The following FBXL7 variants were observed in gnomAD, a reference collection of about 807,000 sequenced individuals.
FBXL7 encodes F-box/LRR-repeat protein 7.
In FBXL7, 12 loss-of-function variants were observed where a neutral mutation model predicts 38.3. That is an observed-to-expected ratio of 0.31 (90% CI 0.20 to 0.51). The LOEUF (loss-of-function observed/expected upper bound fraction) is 0.51. Among genes scored for constraint, FBXL7 ranks in the 20% least tolerant of loss-of-function variants. FBXL7 has a pLI of 0.98. For synonymous variants in FBXL7, 297 were observed against 300.9 expected, an observed-to-expected ratio of 0.99 and a Z score of 0.13; for missense variants, 567 against 676.4, an observed-to-expected ratio of 0.84 and a Z score of 1.79.
chr5:15,682,721 G>T (rs1239038522), intron 2 of FBXL7, among the ~76,000 whole-genome samples: 2 of 152,132 alleles, frequency 1.3e-5, no homozygotes, highest in East Asian at 3.9e-4. Context: ...TTCCCAAAGG[G>T]CTCTTGGTTA....
intron 2 of FBXL7, among the ~76,000 whole-genome samples, chr5:15,843,609 A>G (rs553468497): frequency 9.2e-5 from 14 of 152,208 alleles, no homozygotes; most frequent in Non-Finnish European, 2.1e-4. Flanking sequence ...CTCAAATTGC[A>G]ATATCTGATG....
At chr5:15,799,650 C>T (rs1343113437) in intron 2 of FBXL7, among the ~76,000 whole-genome samples, 1 of 152,158 alleles carries the variant, frequency 6.6e-6, no homozygotes, top group Non-Finnish European at 1.5e-5. Flanking sequence ...GCGTGAGCCA[C>T]CACGCCCTGC....
At chr5:15,872,739 A>G (rs574959690) in intron 2 of FBXL7, among the ~76,000 whole-genome samples, 5 of 152,382 alleles carry the variant, frequency 3.3e-5, no homozygotes, top group African/African-American at 1.2e-4. Flanking sequence ...TAACTATCCT[A>G]AATATATTTG....
At chr5:15,743,822 C>G (rs1735950115) in intron 2 of FBXL7, among the ~76,000 whole-genome samples, 1 of 152,228 alleles carries the variant, frequency 6.6e-6, no homozygotes, top group South Asian at 2.1e-4. Flanking sequence ...GGCAGAAGTT[C>G]CCAGACTTCA....
intron 2 of FBXL7, among the ~76,000 whole-genome samples, chr5:15,642,250 ACTT>A (rs1741389977): frequency 6.6e-6 from 1 of 152,126 alleles, no homozygotes; most frequent in Non-Finnish European, 1.5e-5. Context: ...CAAAAGGATA[ACTT>A]CTTATGTATT....
chr5:15,571,259 G>A (rs1394760904), intron 1 of FBXL7, among the ~76,000 whole-genome samples: 10 of 151,870 alleles, frequency 6.6e-5, no homozygotes, highest in East Asian at 5.8e-4. Context: ...AAACAATGCC[G>A]CCTCACTAGC....
rs1736698005 is a variant in FBXL7, at chr5:15,508,160, G to C, written c.37+7447G>C. On this transcript the variant is annotated intron_variant, in intron 1 of 3. Coordinates refer to ENST00000504595, the MANE Select transcript of FBXL7 (RefSeq NM_012304.5). Reference sequence around the variant, plus strand: ...AGAAGACTTACATTAGTCTTCGCTTGGGTAAAACATCTAACATCAAGCCTG... The same window carrying C: ...AGAAGACTTACATTAGTCTTCGCTTCGGTAAAACATCTAACATCAAGCCTG... 2.0e-5 allele frequency among the ~76,000 whole-genome samples: 3 copies of C among 152,198 alleles called. No homozygotes were observed. In the South Asian group the frequency reaches 6.2e-4, roughly 32 times the overall value.
chr5:15,928,054 C>T lies in FBXL7; in HGVS notation c.292C>T (p.His98Tyr), dbSNP rs76854341. Reference sequence around the variant, plus strand: ...CTCCCCGCCCCCGACCCGCCTCACACACCCGCTCATCCGGCTCGCCTCCAG... The same window carrying T: ...CTCCCCGCCCCCGACCCGCCTCACATACCCGCTCATCCGGCTCGCCTCCAG... ...VHSPPPTRLT[H>Y]PLIRLASRPQ... Residue 98 changes from histidine to tyrosine, a missense_variant, in exon 3 of 4, where the codon CAC (histidine) becomes TAC (tyrosine). Transcript: ENST00000504595. The surrounding 1 kb of genome is among the most constrained non-coding windows in gnomAD (Gnocchi z 4.0). The T allele has an allele frequency of 1.1e-3, 1,478 of 1,329,818 alleles. 22 individuals carry two copies. The East Asian group carries it at 0.044, about 39-fold the overall frequency. 82.4% of individuals were successfully genotyped at this position (1,329,818 alleles called of 1,614,324 possible). A position where few individuals can be genotyped will look rare whatever the true frequency, so the allele number is the denominator to read the frequency against.
intron 2 of FBXL7, among the ~76,000 whole-genome samples, chr5:15,880,721 TTA>T (rs3034531): frequency 0.018 from 2,620 of 143,350 alleles, 33 homozygotes; most frequent in South Asian, 0.04. Flanking sequence ...ATATACTATA[TTA>T]TATATATATA....
chr5:15,788,076 C>T (rs1737176594), intron 2 of FBXL7, among the ~76,000 whole-genome samples: 1 of 152,150 alleles, frequency 6.6e-6, no homozygotes, highest in African/African-American at 2.4e-5. Context: ...TTACTCCAAT[C>T]TCTGTCTCTG....
intron 2 of FBXL7, among the ~76,000 whole-genome samples, chr5:15,645,837 T>C (rs1201497773): frequency 6.6e-6 from 1 of 152,224 alleles, no homozygotes; most frequent in Non-Finnish European, 1.5e-5. Context: ...CAAAATGACT[T>C]GGCTGTGTTG....
chr5:15,859,840 C>T (rs1739401256), intron 2 of FBXL7, among the ~76,000 whole-genome samples: 1 of 152,128 alleles, frequency 6.6e-6, no homozygotes, highest in Non-Finnish European at 1.5e-5. Flanking sequence ...AACCCTGACC[C>T]ATTTTACAGA....
chr5:15,737,400 C>T (rs1321962353), intron 2 of FBXL7, among the ~76,000 whole-genome samples: 1 of 152,076 alleles, frequency 6.6e-6, no homozygotes, highest in Non-Finnish European at 1.5e-5. Context: ...TTACAAATGC[C>T]ATAGATAGAC....
chr5:15,543,437 T>C (rs1304034681), intron 1 of FBXL7, among the ~76,000 whole-genome samples: 3 of 152,140 alleles, frequency 2.0e-5, no homozygotes, highest in African/African-American at 7.2e-5. Context: ...CAAGGTGAGA[T>C]TTGGGTGAGA....
intron 2 of FBXL7, among the ~76,000 whole-genome samples, chr5:15,672,701 C>T (rs1470831765): frequency 6.6e-6 from 1 of 151,964 alleles, no homozygotes; most frequent in East Asian, 1.9e-4. Flanking sequence ...ACTACAGGCG[C>T]ATGCCATCAC....
chr5:15,584,931 T>A (rs1232724936), intron 1 of FBXL7, among the ~76,000 whole-genome samples: 1 of 152,204 alleles, frequency 6.6e-6, no homozygotes, highest in Non-Finnish European at 1.5e-5. Flanking sequence ...CAGGGGAAAC[T>A]GCCAATCACA....
At chr5:15,666,723 A>G (rs189838688) in intron 2 of FBXL7, among the ~76,000 whole-genome samples, 45 of 152,348 alleles carry the variant, frequency 3.0e-4, no homozygotes, top group Admixed American at 4.6e-4. Context: ...CACTTGGATC[A>G]TATCACAGCT....
At chr5:15,510,769 C>G (rs1047796364) in intron 1 of FBXL7, among the ~76,000 whole-genome samples, 1 of 152,184 alleles carries the variant, frequency 6.6e-6, no homozygotes, top group Non-Finnish European at 1.5e-5. Flanking sequence ...CATTTTCAAT[C>G]ATTTTAATAA....
Position 15,528,188 on chromosome 5 carries a change from C to T in FBXL7, c.37+27475C>T, listed in dbSNP as rs911716637. ...TTGGATAGGAAGAGTATCGGGGACC[C>T]TCCCTAATCTACTAAGATTATCTAC... On this transcript the variant is annotated intron_variant, in intron 1 of 3. Coordinates refer to ENST00000504595, the MANE Select transcript of FBXL7 (RefSeq NM_012304.5). 4.6e-5 allele frequency among the ~76,000 whole-genome samples: 7 copies of T among 152,138 alleles called. No individual in the cohort carries two copies. The South Asian group carries it at 8.3e-4, about 18-fold the overall frequency.
Sources: allele counts gnomAD v4.1 joint callset (sites outside exome capture counted in the v4.1 genomes callset), GRCh38; gene constraint gnomAD v4.1.1; non-coding constraint Gnocchi (gnomAD v3.1); transcripts MANE v1.5; gene names NCBI Gene and HGNC (gene_info 2026-07-23, HGNC 2026-07-21).